Variants in XKR4 observed in about 807,000 individuals in gnomAD.
The protein encoded by XKR4 is XK related 4.
XKR4 carries 12 observed loss-of-function variants against 53.9 expected under a neutral mutation model. That is an observed-to-expected ratio of 0.22 (90% confidence interval 0.14 to 0.36). The LOEUF is 0.36. Among genes scored for constraint, XKR4 ranks in the 10% least tolerant of loss-of-function variants. The pLI, the probability that XKR4 is intolerant of heterozygous loss-of-function variation, is 1.00. For missense variants in XKR4, 799 were observed against 859.5 expected (o/e 0.93, Z 0.88); for synonymous variants, 354 against 362.4 (o/e 0.98, Z 0.26).
intron 2 of XKR4, among the ~76,000 whole-genome samples, chr8:55,485,857 A>C (rs1196242468): frequency 2.0e-5 from 3 of 152,084 alleles, no homozygotes; most frequent in Non-Finnish European, 2.9e-5. Flanking sequence ...GATTGGAAAA[A>C]CCAGTGCTGA....
intron 1 of XKR4, among the ~76,000 whole-genome samples, chr8:55,109,781 A>G (rs1360507581): frequency 6.6e-6 from 1 of 152,200 alleles, no homozygotes; most frequent in Non-Finnish European, 1.5e-5. Flanking sequence ...ATACATGTAT[A>G]CTATCAGTTT....
chr8:55,465,610 G>A (rs367855254), intron 2 of XKR4, among the ~76,000 whole-genome samples: 3 of 151,396 alleles, frequency 2.0e-5, no homozygotes, highest in Admixed American at 6.6e-5. Flanking sequence ...CAAAAGCAAT[G>A]GCAACAAAAG....
At chr8:55,269,801 T>C (rs528603261) in intron 1 of XKR4, among the ~76,000 whole-genome samples, 49 of 152,300 alleles carry the variant, frequency 3.2e-4, no homozygotes, top group Middle Eastern at 6.8e-3. Flanking sequence ...TTCTGTCCAC[T>C]GGGGAGATTT....
At chr8:55,424,293 G>A (rs939122186) in intron 2 of XKR4, among the ~76,000 whole-genome samples, 6 of 152,182 alleles carry the variant, frequency 3.9e-5, no homozygotes, top group Non-Finnish European at 8.8e-5. Context: ...CACACAGGCA[G>A]GGTGCCAAGT....
intron 1 of XKR4, among the ~76,000 whole-genome samples, chr8:55,348,531 C>T (rs1204852670): frequency 6.6e-6 from 1 of 152,194 alleles, no homozygotes; most frequent in African/African-American, 2.4e-5. Flanking sequence ...TTTCCAGGGA[C>T]TGGCTGTCAG....
At chr8:55,156,115 T>C (rs1203267378) in intron 1 of XKR4, among the ~76,000 whole-genome samples, 5 of 151,604 alleles carry the variant, frequency 3.3e-5, no homozygotes, top group Non-Finnish European at 5.9e-5. Context: ...TAGGAGGAGA[T>C]AGTGTTGATG....
chr8:55,380,662 A>C (rs1340528010), intron 2 of XKR4, among the ~76,000 whole-genome samples: 1 of 152,256 alleles, frequency 6.6e-6, no homozygotes, highest in Non-Finnish European at 1.5e-5. Flanking sequence ...GTTTACACCC[A>C]AATGCCAAGA....
At chr8:55,379,801 C>T (rs1278563417) in intron 2 of XKR4, among the ~76,000 whole-genome samples, 4 of 152,218 alleles carry the variant, frequency 2.6e-5, no homozygotes, top group African/African-American at 4.8e-5. Flanking sequence ...GGTCCTGGGG[C>T]AGAGGCCCTC....
intron 1 of XKR4, among the ~76,000 whole-genome samples, chr8:55,248,862 T>C (rs1389078928): frequency 6.6e-6 from 1 of 152,116 alleles, no homozygotes; most frequent in Non-Finnish European, 1.5e-5. Context: ...TTGTGACTTG[T>C]TTTTTTCCTT....
chr8:55,523,895 G>A lies in XKR4; in HGVS notation c.1621G>A (p.Val541Met), dbSNP rs756754686. ...CGCTGCCTTCACTTTGCCCCCAGAC[G>A]TGGCCACAAGCACCCTACGGTCCAT... Reference protein sequence around the residue: ...PAAAFTLPPDVATSTLRSISN... With the variant: ...PAAAFTLPPDMATSTLRSISN... Residue 541 changes from valine (V) to methionine (M), a missense_variant, in exon 3 of 3, where the codon GTG becomes ATG. Transcript: ENST00000327381. The A allele has an allele frequency of 5.6e-6, 9 of 1,614,186 alleles. No homozygotes were observed. Among genetic ancestry groups the A allele is most frequent in the Non-Finnish European group, 5.9e-6 (7 of 1,180,024 alleles).
At chr8:55,456,819 G>T (rs183688832) in intron 2 of XKR4, among the ~76,000 whole-genome samples, 35 of 152,098 alleles carry the variant, frequency 2.3e-4, no homozygotes, top group Non-Finnish European at 4.4e-4. Context: ...TGAAATAAGG[G>T]TCTCAGAAGT....
chr8:55,436,929 C>T (rs551000729), intron 2 of XKR4, among the ~76,000 whole-genome samples: 1 of 152,272 alleles, frequency 6.6e-6, no homozygotes, highest in South Asian at 2.1e-4. Flanking sequence ...ATTGTATATG[C>T]ACAGCATGTT....
At chr8:55,145,836 C>A (rs1437395427) in intron 1 of XKR4, among the ~76,000 whole-genome samples, 1 of 152,184 alleles carries the variant, frequency 6.6e-6, no homozygotes, top group Non-Finnish European at 1.5e-5. Context: ...AAAATGAATG[C>A]ATAGCAGCCC....
At chr8:55,435,846 T>C (rs1049628993) in intron 2 of XKR4, among the ~76,000 whole-genome samples, 9 of 152,268 alleles carry the variant, frequency 5.9e-5, no homozygotes, top group Admixed American at 5.2e-4. Context: ...AGGATTATAG[T>C]AACTTCAATC....
chr8:55,474,258 G>GA lies in XKR4; in HGVS notation c.1007-49022dup, dbSNP rs1439263793. On this transcript the variant is annotated intron_variant, in intron 2 of 2. Transcript: ENST00000327381. ...CACACTTACTAACTTACTGATCACT[G>GA]ATGGACAGTTACCACAAAGACATAA... 9.2e-5 allele frequency among the ~76,000 whole-genome samples: 14 copies of GA among 152,062 alleles called. 1 individual carries two copies. Among genetic ancestry groups the GA allele is most frequent in the African/African-American group, 3.1e-4 (13 of 41,354 alleles).
chr8:55,108,092 G>A (rs1563458139), intron 1 of XKR4, among the ~76,000 whole-genome samples: 6 of 152,158 alleles, frequency 3.9e-5, no homozygotes, highest in Admixed American at 1.3e-4. Flanking sequence ...AAGACTCTCT[G>A]GAAGAGGGGA....
intron 2 of XKR4, among the ~76,000 whole-genome samples, chr8:55,482,669 T>TA (rs1338951082): frequency 6.6e-6 from 1 of 152,148 alleles, no homozygotes; most frequent in Admixed American, 6.6e-5. Flanking sequence ...TTGGATTTTG[T>TA]AAAAAATAAT....
At chr8:55,478,555 A>G (rs1806041511) in intron 2 of XKR4, among the ~76,000 whole-genome samples, 1 of 152,124 alleles carries the variant, frequency 6.6e-6, no homozygotes, top group African/African-American at 2.4e-5. Flanking sequence ...AACAATATTA[A>G]CTTTAAATGT....
intron 1 of XKR4, among the ~76,000 whole-genome samples, chr8:55,173,988 T>A (rs544251335): frequency 1.3e-5 from 2 of 152,228 alleles, no homozygotes; most frequent in Non-Finnish European, 2.9e-5. Flanking sequence ...ATTTGAAGCA[T>A]CATTATACAT....
Sources: gnomAD v4.1 joint callset for allele counts (sites outside exome capture counted in the v4.1 genomes callset) on GRCh38, gnomAD v4.1.1 for gene constraint, MANE v1.5 for transcripts, NCBI Gene and HGNC (gene_info 2026-07-23, HGNC 2026-07-21) for gene names.